The following CALCRL variants were observed in gnomAD, a reference collection of about 807,000 sequenced individuals.
CALCRL encodes the protein calcitonin receptor like receptor.
CALCRL carries 27 observed loss-of-function variants against 60.4 expected under a neutral mutation model. That is an observed-to-expected ratio of 0.45 (90% confidence interval 0.33 to 0.62). CALCRL has a LOEUF of 0.62. CALCRL is among the 20% of genes least tolerant of loss of function. The pLI is 0.03. For missense variants in CALCRL, 424 were observed against 540.7 expected (o/e 0.78, Z 2.14); for synonymous variants, 190 against 182.6 (o/e 1.04, Z -0.33).
chr2:187,397,263 GT>G (rs982127906), intron 1 of CALCRL, among the ~76,000 whole-genome samples: 2 of 150,492 alleles, frequency 1.3e-5, no homozygotes, highest in African/African-American at 4.9e-5. Flanking sequence ...TGCATCTTGA[GT>G]TTTTTTTTAT....
rs374525357 is a variant in CALCRL at position 187,380,680 on chromosome 2, A to T, written c.292T>A (p.Ser98Thr). 20 of 1,612,756 alleles carry T rather than the reference A, an allele frequency of 1.2e-5. No homozygotes were observed. Among genetic ancestry groups the T allele is most frequent in the Non-Finnish European group, 1.7e-5 (20 of 1,178,884 alleles). The change falls in exon 6 of 15, where the codon TCA becomes ACA. Residue 98 changes from serine (S) to threonine (T), a missense_variant. Around this residue, in one of 7 missense-constraint regions of CALCRL, gnomAD observed 108 missense variants for 132.9 expected, o/e 0.81. Coordinates refer to ENST00000392370, the MANE Select transcript of CALCRL (RefSeq NM_005795.6). ...CPDYFQDFDP[S>T]EKVTKICDQD... ...GTAGATACATTTCTGCTTTTACCTGATGGATCAAAGTCCTGAAAGTAATCA... is the reference window on the plus strand; with the variant it reads ...GTAGATACATTTCTGCTTTTACCTGTTGGATCAAAGTCCTGAAAGTAATCA...
intron 1 of CALCRL, among the ~76,000 whole-genome samples, chr2:187,410,313 T>C (rs1451058804): frequency 1.3e-5 from 2 of 152,142 alleles, no homozygotes; most frequent in African/African-American, 2.4e-5. Context: ...ATCACAGATA[T>C]TCAATTTTTT....
chr2:187,425,963 T>C (rs1690098623), intron 1 of CALCRL, among the ~76,000 whole-genome samples: 1 of 151,908 alleles, frequency 6.6e-6, no homozygotes, highest in Non-Finnish European at 1.5e-5. Flanking sequence ...TTCACAGCGG[T>C]TGGAAATGGT....
At chr2:187,435,652 A>ATACATAGATTCAT (rs1169769912) in intron 1 of CALCRL, among the ~76,000 whole-genome samples, 2 of 152,216 alleles carry the variant, frequency 1.3e-5, no homozygotes, top group Non-Finnish European at 2.9e-5. Context: ...GAATCTATGT[A>ATACATAGATTCAT]TCAAAATATA....
intron 1 of CALCRL, among the ~76,000 whole-genome samples, chr2:187,415,034 C>A (rs550381405): frequency 6.6e-6 from 1 of 152,106 alleles, no homozygotes; most frequent in African/African-American, 2.4e-5. Flanking sequence ...TCACAATAAT[C>A]TCTGTGGTTA....
intron 12 of CALCRL, among the ~76,000 whole-genome samples, chr2:187,353,589 C>A (rs1686630478): frequency 6.6e-6 from 1 of 151,754 alleles, no homozygotes; most frequent in Non-Finnish European, 1.5e-5. Context: ...CTAATGGAAA[C>A]ACATCTATGA....
chr2:187,354,675 C>G (rs1054970644), intron 12 of CALCRL, among the ~76,000 whole-genome samples: 6 of 151,968 alleles, frequency 3.9e-5, no homozygotes, highest in African/African-American at 1.4e-4. Flanking sequence ...TGTTTTAGGC[C>G]AACAAGATGG....
At chr2:187,447,555 T>C (rs1307636293) in intron 1 of CALCRL, among the ~76,000 whole-genome samples, 1 of 152,048 alleles carries the variant, frequency 6.6e-6, no homozygotes, top group African/African-American at 2.4e-5. Flanking sequence ...TACAAAGTGA[T>C]TACTTTTCAA....
intron 1 of CALCRL, among the ~76,000 whole-genome samples, chr2:187,413,280 G>GC (rs1480984223): frequency 1.3e-5 from 2 of 151,800 alleles, no homozygotes; most frequent in Admixed American, 1.3e-4. Flanking sequence ...CATCACATGG[G>GC]CATAGCACTT....
intron 8 of CALCRL, among the ~76,000 whole-genome samples, chr2:187,371,297 G>A (rs1403475248): frequency 1.3e-5 from 2 of 151,722 alleles, no homozygotes; most frequent in Non-Finnish European, 2.9e-5. Context: ...GATACAGACC[G>A]CAGAATAGGC....
At chr2:187,362,173 A>G (rs7597989) in intron 9 of CALCRL, among the ~76,000 whole-genome samples, 73,143 of 151,770 alleles carry the variant, frequency 0.48, 17,870 homozygotes, top group East Asian at 0.62. Context: ...CAGAGACAAA[A>G]CAAAAATATA....
chr2:187,442,698 T>C (rs975141669), intron 1 of CALCRL, among the ~76,000 whole-genome samples: 5 of 151,962 alleles, frequency 3.3e-5, no homozygotes, highest in African/African-American at 1.2e-4. Context: ...GGAGCTGCTA[T>C]AGTAATCAAA....
At chr2:187,410,626 G>T (rs1689317016) in intron 1 of CALCRL, among the ~76,000 whole-genome samples, 1 of 152,166 alleles carries the variant, frequency 6.6e-6, no homozygotes, top group African/African-American at 2.4e-5. Flanking sequence ...AAACCAAGTA[G>T]GATTTCTTTG....
At chr2:187,388,671 A>C (rs550667166) in intron 1 of CALCRL, among the ~76,000 whole-genome samples, 1 of 152,214 alleles carries the variant, frequency 6.6e-6, no homozygotes, top group East Asian at 1.9e-4. Flanking sequence ...TTAATATAAA[A>C]ATTTACTTTA....
rs570235806 is a variant in CALCRL, at chr2:187,357,043, A to G, written c.909+2020T>C. 1.1e-4 allele frequency among the ~76,000 whole-genome samples: 17 copies of G among 152,338 alleles called. No homozygotes were observed. The East Asian group carries it at 3.3e-3, about 29-fold the overall frequency. ...GATGTGGAGAAATAAGAACACTTTT[A>G]CAATGTTGGTGGGAGTGTAAATTAG... is the stretch of plus-strand genomic sequence containing the variant. On this transcript the variant is annotated intron_variant, in intron 12 of 14. Transcript: ENST00000392370.
chr2:187,394,701 G>C (rs1574270171), intron 1 of CALCRL, among the ~76,000 whole-genome samples: 1 of 151,844 alleles, frequency 6.6e-6, no homozygotes, highest in African/African-American at 2.4e-5. Flanking sequence ...TACTCAACTA[G>C]ATAATGAGTA....
chr2:187,352,532 A>G (rs538702969), intron 12 of CALCRL, among the ~76,000 whole-genome samples, 200 bp from the exon 13 acceptor site: 1 of 151,974 alleles, frequency 6.6e-6, no homozygotes, highest in Non-Finnish European at 1.5e-5. Flanking sequence ...AATTTTAATA[A>G]ACAAGTTTTA....
chr2:187,444,733 A>T (rs1277887779), intron 1 of CALCRL, among the ~76,000 whole-genome samples: 1 of 151,510 alleles, frequency 6.6e-6, no homozygotes, highest in Non-Finnish European at 1.5e-5. Flanking sequence ...GTAAGACCTT[A>T]TTATGTCCTT....
intron 5 of CALCRL, among the ~76,000 whole-genome samples, chr2:187,381,715 A>T (rs1687993507): frequency 6.6e-6 from 1 of 152,146 alleles, no homozygotes; most frequent in Non-Finnish European, 1.5e-5. Context: ...CGGCCTCCCA[A>T]AGTGCTGAGA....
Sources: gnomAD v4.1 joint callset for allele counts (sites outside exome capture counted in the v4.1 genomes callset) on GRCh38, gnomAD v4.1.1 for gene constraint, gnomAD v4.1.1 regional missense constraint, MANE v1.5 for transcripts, NCBI Gene and HGNC (gene_info 2026-07-23, HGNC 2026-07-21) for gene names.